COL7A1: variants seen among roughly 807,000 people sequenced by gnomAD.
COL7A1 encodes collagen type VII alpha 1 chain, also known as collagen alpha-1(VII) chain.
In COL7A1, 296 loss-of-function variants were observed where a neutral mutation model predicts 456.2. That is an observed-to-expected ratio of 0.65 (90% CI 0.59 to 0.71). The LOEUF is 0.71. COL7A1 is among the 30% of genes least tolerant of loss of function. The pLI, the probability that COL7A1 is intolerant of heterozygous loss-of-function variation, is 0.00. For synonymous variants in COL7A1, 1,464 were observed against 1,525.9 expected (o/e 0.96, Z 0.95); for missense variants, 3,441 against 4,017.2 (o/e 0.86, Z 3.88).
chr3:48,584,686 T>C (rs1262578156), intron 35 of COL7A1, 48 bp downstream of exon 35: 1 of 1,613,852 alleles, frequency 6.2e-7, no homozygotes, highest in Non-Finnish European at 8.5e-7. Flanking sequence ...GGGGCAGTCC[T>C]GCTCCTCCCT....
rs1453268143 is a variant in COL7A1, at chr3:48,566,361, AG to A, written c.8359-47del. On this transcript the variant is annotated intron_variant, in intron 113 of 118. Transcript: ENST00000681320. This position sits in a 1 kb window ranked among gnomAD's most constrained non-coding sequence, Gnocchi z 5.9. ...GGACCATAAAGAACCCATGGCCCAC[AG>A]GAAGGACATAGGGCACATAATACAG... 1 of 1,605,166 alleles carries A rather than the reference AG, an allele frequency of 6.2e-7. No individual in the cohort carries two copies.
intron 18 of COL7A1, 121 bp downstream of exon 18, chr3:48,589,206 G>A: frequency 6.7e-7 from 1 of 1,499,130 alleles, no homozygotes; most frequent in East Asian, 2.3e-5. Flanking sequence ...AGTGTGGGGT[G>A]GGTCAGTGTG....
At position 48,565,033 on chromosome 3, in the gene COL7A1, A is replaced by AAGGTCAGGGGG; in HGVS notation, c.8621-64_8621-54dup. ...GTTTGTGGGAATCAGAGAGGGTTGA[A>AAGGTCAGGGGG]AGGTCAGGGGGAGGTCAGCAGGGCT... On this transcript the variant is annotated intron_variant, in intron 117 of 118. Transcript: ENST00000681320. This position sits in a 1 kb window ranked among gnomAD's most constrained non-coding sequence, Gnocchi z 4.5. 1.9e-6 allele frequency: 3 copies of AAGGTCAGGGGG among 1,613,116 alleles called. No individual in the cohort carries two copies. Among genetic ancestry groups the AAGGTCAGGGGG allele is most frequent in the Non-Finnish European group, 2.5e-6 (3 of 1,179,258 alleles).
intron 65 of COL7A1, among the ~76,000 whole-genome samples, chr3:48,577,322 GGT>G (rs1207362978): frequency 1.3e-5 from 2 of 152,228 alleles, no homozygotes; most frequent in African/African-American, 4.8e-5. Flanking sequence ...ACATGTCCTG[GGT>G]GTGTGCATAT....
Position 48,592,859 on chromosome 3 carries a change from C to G in COL7A1, c.762G>C (p.Ala254=). 1 of 1,614,038 alleles carries G rather than the reference C, an allele frequency of 6.2e-7. No homozygotes were observed. ...TGTAGCCAGTCACAGGGCCACTGGC[C>G]GCTGTCCACTGTACTCTCAAGGATT... ...SSQSLRVQWT[A]ASGPVTGYKV... The change falls in exon 7 of 119, where the codon GCG becomes GCC. Residue 254 remains alanine, a synonymous_variant. Transcript: ENST00000681320. The surrounding 1 kb of genome is among the most constrained non-coding windows in gnomAD (Gnocchi z 7.6).
At position 48,585,689 on chromosome 3, in the gene COL7A1, C is replaced by A. The variant is rs776841521; in HGVS notation, c.3831+1G>T. 11 of 1,613,926 alleles carry A rather than the reference C, an allele frequency of 6.8e-6. No individual in the cohort carries two copies. The highest frequency in any genetic ancestry group is 3.3e-5 in the South Asian group (3 of 91,092). The stretch of plus-strand genomic sequence containing the variant: ...CAGGGACAGATGTGGGGGACACTCA[C>A]CGGGAGGCCAGGGTCGCCAGGAGGC... On this transcript the variant is annotated splice_donor_variant, in intron 31 of 118. Coordinates refer to ENST00000681320, the MANE Select transcript of COL7A1 (RefSeq NM_000094.4). LOFTEE classifies it high-confidence loss of function. The surrounding 1 kb of genome is among the most constrained non-coding windows in gnomAD (Gnocchi z 4.5).
Position 48,580,517 on chromosome 3 carries a change from G to A in COL7A1, c.5052+64C>T, listed in dbSNP as rs1342342763. 1.3e-6 allele frequency: 2 copies of A among 1,562,856 alleles called. No homozygotes were observed. Among genetic ancestry groups the A allele is most frequent in the Non-Finnish European group, 1.8e-6 (2 of 1,137,550 alleles). On this transcript the variant is annotated intron_variant, in intron 55 of 118. Coordinates refer to ENST00000681320, the MANE Select transcript of COL7A1 (RefSeq NM_000094.4). This position sits in a 1 kb window ranked among gnomAD's most constrained non-coding sequence, Gnocchi z 4.5. The stretch of plus-strand genomic sequence containing the variant: ...ATTACAGGGTTGGGGGGTAGGATCA[G>A]GTATTGGGAATTGGCTGGTTGGAGG...
At position 48,584,351 on chromosome 3, in the gene COL7A1, G is replaced by A. The variant is rs938985830; in HGVS notation, c.4144C>T (p.Leu1382=). Residue 1382 remains leucine, a synonymous_variant, in exon 37 of 119, where the codon CTG becomes TTG. Transcript: ENST00000681320. ...PSGPPGPRGP[L]GDPGPRGPPG... ...GGGCCACGGGGTCCTGGGTCCCCCA[G>A]TGGTCCACGAGGTCCAGGGGGGCCC... 9.3e-6 allele frequency: 15 copies of A among 1,613,494 alleles called. No homozygotes were observed. Among genetic ancestry groups the A allele is most frequent in the Non-Finnish European group, 1.2e-5 (14 of 1,179,714 alleles).
At position 48,567,689 on chromosome 3, in the gene COL7A1, T is replaced by C; in HGVS notation, c.7983+21A>G. The stretch of plus-strand genomic sequence containing the variant: ...CCCCGTCCACCCGTGGCCCCCTCAT[T>C]CTGAGCGTGCCCACACTCACCATCT... On this transcript the variant is annotated intron_variant, in intron 108 of 118. Coordinates refer to ENST00000681320, the MANE Select transcript of COL7A1 (RefSeq NM_000094.4). The surrounding 1 kb of genome is among the most constrained non-coding windows in gnomAD (Gnocchi z 4.3). The C allele has an allele frequency of 6.2e-7, 1 of 1,614,004 alleles. No individual in the cohort carries two copies. Among genetic ancestry groups the C allele is most frequent in the Non-Finnish European group, 8.5e-7 (1 of 1,179,990 alleles).
In COL7A1 at chr3:48,570,889, A is replaced by G. The variant is rs2043874334; in HGVS notation, c.7244T>C (p.Met2415Thr). The G allele has an allele frequency of 6.2e-7, 1 of 1,613,002 alleles. No homozygotes were observed. The highest frequency in any genetic ancestry group is 2.2e-5 in the East Asian group (1 of 44,850). Residue 2415 changes from methionine to threonine, a missense_variant, in exon 95 of 119, where the codon ATG (methionine) becomes ACG (threonine). Physicochemically the swap from Met to Thr is moderately conservative, Grantham distance 81. Transcript: ENST00000681320. This position sits in a 1 kb window ranked among gnomAD's most constrained non-coding sequence, Gnocchi z 5.5. Reference protein sequence around the residue: ...FPGQTGPRGEMGQPGPSGERG... With the variant: ...FPGQTGPRGETGQPGPSGERG... ...CTCTCCACTAGGGCCTGGCTGACCC[A>G]TCTCTCCTCGAGGGCCTGTCTGACC...
rs138263686 is a variant in COL7A1 at position 48,566,290 on chromosome 3, C to T, written c.8384G>A (p.Arg2795His). ...ACCACAGTGCTGACTCATCTCTTGG[C>T]GCACAAAGCCCCGGATGTCATCCTC... ...LTEDDIRGFV[R>H]QEMSQHCACQ... is the part of the protein sequence containing the mutation. Residue 2795 changes from arginine to histidine, a missense_variant, in exon 114 of 119, where the codon CGC (arginine) becomes CAC (histidine). Arg to His is a conservative substitution (Grantham distance 29). This residue lies in a region of COL7A1 where 2,084 missense variants were observed against 2,501.3 expected (regional missense o/e 0.83). Coordinates refer to ENST00000681320, the MANE Select transcript of COL7A1 (RefSeq NM_000094.4). This position sits in a 1 kb window ranked among gnomAD's most constrained non-coding sequence, Gnocchi z 5.9. 2.2e-5 allele frequency: 36 copies of T among 1,603,220 alleles called. No homozygotes were observed. The African/African-American group carries it at 2.4e-4, about 11-fold the overall frequency.
Position 48,588,219 on chromosome 3 carries a change from T to C in COL7A1, c.2710+63A>G, listed in dbSNP as rs1363618494. The C allele has an allele frequency of 1.9e-6, 3 of 1,611,358 alleles. No individual in the cohort carries two copies. In the Admixed American group the frequency reaches 5.0e-5, roughly 27 times the overall value. Reference sequence around the variant, plus strand: ...CCACCATCACTGTCCTCGCCTACCTTGCGGAGTCTGCCACAGCCCTGCCCC... The same window carrying C: ...CCACCATCACTGTCCTCGCCTACCTCGCGGAGTCTGCCACAGCCCTGCCCC... On this transcript the variant is annotated intron_variant, in intron 21 of 118. Transcript: ENST00000681320. The surrounding 1 kb of genome is among the most constrained non-coding windows in gnomAD (Gnocchi z 4.6).
chr3:48,589,132 G>T, intron 18 of COL7A1, 137 bp from the exon 19 acceptor site: 1 of 1,514,098 alleles, frequency 6.6e-7, no homozygotes, highest in Non-Finnish European at 9.1e-7. Flanking sequence ...AGGAGGAGGA[G>T]GTCAGTGCCT....
At position 48,579,025 on chromosome 3, in the gene COL7A1, C is replaced by T. The variant is rs114580573; in HGVS notation, c.5389-71G>A. ...GGCTCTAGTCCCTGTGAGCCTAAGG[C>T]CTGCATGGCAAGAACATGCCCCACC... On this transcript the variant is annotated intron_variant, in intron 62 of 118. Coordinates refer to ENST00000681320, the MANE Select transcript of COL7A1 (RefSeq NM_000094.4). This position sits in a 1 kb window ranked among gnomAD's most constrained non-coding sequence, Gnocchi z 4.4. 1.8e-3 allele frequency: 2,822 copies of T among 1,600,476 alleles called. 39 individuals carry two copies. The African/African-American group carries it at 0.033, about 18-fold the overall frequency.
At position 48,568,947 on chromosome 3, in the gene COL7A1, A is replaced by C; in HGVS notation, c.7687-92T>G. ...AGCCCGCCAGCTGGGGCAGAGCTCA[A>C]GTCACTCCCGAACGGCCCTAGCAGC... On this transcript the variant is annotated intron_variant, in intron 103 of 118. Transcript: ENST00000681320. The surrounding 1 kb of genome is among the most constrained non-coding windows in gnomAD (Gnocchi z 5.2). 7.7e-7 allele frequency: 1 copy of C among 1,302,536 alleles called. No homozygotes were observed. The allele number at this position is 1,302,536 out of a possible 1,614,324, so 80.7% of individuals were successfully genotyped here.
Position 48,569,990 on chromosome 3 carries a change from G to A in COL7A1, c.7486-75C>T. On this transcript the variant is annotated intron_variant, in intron 99 of 118. Transcript: ENST00000681320. The surrounding 1 kb of genome is among the most constrained non-coding windows in gnomAD (Gnocchi z 4.9). Reference sequence around the variant, plus strand: ...ACGGAGGAGGATCAGGGGGAGGAGGGAAACAGTGGGGACCAGACAAAGGGG... The same window carrying A: ...ACGGAGGAGGATCAGGGGGAGGAGGAAAACAGTGGGGACCAGACAAAGGGG... The A allele has an allele frequency of 6.2e-7, 1 of 1,605,924 alleles. No homozygotes were observed. The highest frequency in any genetic ancestry group is 8.5e-7 in the Non-Finnish European group (1 of 1,173,766).
At position 48,575,746 on chromosome 3, in the gene COL7A1, T is replaced by C. The variant is rs2107676528; in HGVS notation, c.5859A>G (p.Ala1953=). 2 of 1,614,020 alleles carry C rather than the reference T, an allele frequency of 1.2e-6. No individual in the cohort carries two copies. Among genetic ancestry groups the C allele is most frequent in the Non-Finnish European group, 8.5e-7 (1 of 1,180,002 alleles). The part of the protein sequence containing the change: ...DRLLETAGIK[A]SALREIVETW... ...TCTCCACGATCTCCCGCAGGGCAGA[T>C]GCCTGAGGGACAGCAAGAGGTCAGA... Residue 1953 remains alanine (A), a splice_region_variant and synonymous_variant, in exon 73 of 119, where the codon GCA becomes GCG. Coordinates refer to ENST00000681320, the MANE Select transcript of COL7A1 (RefSeq NM_000094.4). The surrounding 1 kb of genome is among the most constrained non-coding windows in gnomAD (Gnocchi z 6.3).
rs1162427214 is a variant in COL7A1, at chr3:48,579,884, G to A, written c.5125-70C>T. ...AGAGGAGTTGGCGAGGGGATACAGG[G>A]TCTGTGAGGGGCTCCAGGGATCCGC... is the stretch of plus-strand genomic sequence containing the variant. On this transcript the variant is annotated intron_variant, in intron 57 of 118. Coordinates refer to ENST00000681320, the MANE Select transcript of COL7A1 (RefSeq NM_000094.4). The surrounding 1 kb of genome is among the most constrained non-coding windows in gnomAD (Gnocchi z 4.4). 11 of 1,610,884 alleles carry A rather than the reference G, an allele frequency of 6.8e-6. No individual in the cohort carries two copies. In the African/African-American group the frequency reaches 9.3e-5, roughly 14 times the overall value.
chr3:48,591,675 G>A lies in COL7A1; in HGVS notation c.1505C>T (p.Thr502Ile). The A allele has an allele frequency of 1.2e-6, 2 of 1,614,062 alleles. No individual in the cohort carries two copies. The highest frequency in any genetic ancestry group is 1.7e-6 in the Non-Finnish European group (2 of 1,180,018). The change falls in exon 12 of 119, where the codon ACT (threonine) becomes ATT (isoleucine). Residue 502 changes from threonine (T) to isoleucine (I), a missense_variant and splice_region_variant. This residue lies in a region of COL7A1 where 913 missense variants were observed against 1,088.2 expected (regional missense o/e 0.84). Coordinates refer to ENST00000681320, the MANE Select transcript of COL7A1 (RefSeq NM_000094.4). This position sits in a 1 kb window ranked among gnomAD's most constrained non-coding sequence, Gnocchi z 7.0. ...GGCCCAGCCCACAGAGCCCTCACCA[G>A]TGGGAACCACGGTTGCAGGGGTGGC... Reference protein sequence around the residue: ...EVATPATVVPTGPELPVSPVT... With the variant: ...EVATPATVVPIGPELPVSPVT...
Sources: gnomAD v4.1 joint callset for allele counts (sites outside exome capture counted in the v4.1 genomes callset) on GRCh38, gnomAD v4.1.1 for gene constraint, gnomAD v4.1.1 regional missense constraint, Gnocchi (gnomAD v3.1) non-coding constraint, MANE v1.5 for transcripts, NCBI Gene and HGNC (gene_info 2026-07-23, HGNC 2026-07-21) for gene names.